The following ANO2 variants were observed in gnomAD, a reference collection of about 807,000 sequenced individuals.
The protein encoded by ANO2 is anoctamin-2.
A neutral mutation model predicts 124.2 loss-of-function variants in ANO2; 101 were observed. That is an observed-to-expected ratio of 0.81 (90% CI 0.69 to 0.96). The LOEUF (loss-of-function observed/expected upper bound fraction) is 0.96. ANO2 is among the 40% of genes least tolerant of loss of function. The pLI, the probability that ANO2 is intolerant of heterozygous loss-of-function variation, is 0.00. For missense variants in ANO2, 1,293 were observed against 1,274.5 expected (o/e 1.01, Z -0.22); for synonymous variants, 486 against 482.5 (o/e 1.01, Z -0.09).
intron 11 of ANO2, among the ~76,000 whole-genome samples, chr12:5,748,798 A>G (rs1591566126): frequency 7.0e-6 from 1 of 143,570 alleles, no homozygotes; most frequent in African/African-American, 2.6e-5. Context: ...AGGACCCAGA[A>G]CTCCCAATCA....
chr12:5,774,686 G>A (rs1478562216), intron 10 of ANO2, among the ~76,000 whole-genome samples: 2 of 152,116 alleles, frequency 1.3e-5, no homozygotes, highest in East Asian at 3.9e-4. Flanking sequence ...GGAGAGCTGC[G>A]TCAGGACCCA....
At chr12:5,785,789 A>G (rs1170758174) in intron 10 of ANO2, among the ~76,000 whole-genome samples, 2 of 152,132 alleles carry the variant, frequency 1.3e-5, no homozygotes, top group East Asian at 3.9e-4. Flanking sequence ...GCCTTCCCAG[A>G]GAGTATCCTG....
intron 1 of ANO2, 91 bp downstream of exon 1, chr12:5,945,105 C>A: frequency 2.5e-6 from 3 of 1,204,090 alleles, no homozygotes; most frequent in Non-Finnish European, 3.2e-6. Context: ...GTCCCCAATC[C>A]CGAAGGGTGG....
chr12:5,739,764 G>A lies in ANO2; in HGVS notation c.1352-365C>T, dbSNP rs371526252. 580 of 414,784 alleles carry A rather than the reference G, an allele frequency of 1.4e-3. 10 individuals carry two copies. Among genetic ancestry groups the A allele is most frequent in the South Asian group, 0.01 (548 of 54,664 alleles). The allele number at this position is 414,784 out of a possible 1,614,324, so 25.7% of individuals were successfully genotyped here. A position where few individuals can be genotyped will look rare whatever the true frequency, so the allele number is the denominator to read the frequency against. ...TTTTGACAAGCCTCATCTTGCCTACGCATACATTCTTTCCTCCTTCACCTT... is the reference window on the plus strand; with the variant it reads ...TTTTGACAAGCCTCATCTTGCCTACACATACATTCTTTCCTCCTTCACCTT... On this transcript the variant is annotated intron_variant, in intron 12 of 24. Coordinates refer to ENST00000682330, the MANE Select transcript of ANO2 (RefSeq NM_001364791.2).
At chr12:5,610,989 T>TTTGCTTTTTTTTTTTTTTTTTTA (rs1944520759) in intron 19 of ANO2, among the ~76,000 whole-genome samples, 1 of 141,582 alleles carries the variant, frequency 7.1e-6, no homozygotes, top group Non-Finnish European at 1.5e-5. Context: ...TTTTTTTTTT[T>TTTGCTTTTTTTTTTTTTTTTTTA]GAGACAGAGT....
rs767989933 is a variant in ANO2, at chr12:5,739,356, C to G, written c.1395G>C (p.Leu465=). 2 of 1,607,808 alleles carry G rather than the reference C, an allele frequency of 1.2e-6. No homozygotes were observed. Among genetic ancestry groups the G allele is most frequent in the East Asian group, 4.5e-5 (2 of 44,748 alleles). ...TGCCAGTCAGGTCCCAAAAGTAGCCCAGTCGCATCTGTAGCCTCTTCCAGT... is the reference window on the plus strand; with the variant it reads ...TGCCAGTCAGGTCCCAAAAGTAGCCGAGTCGCATCTGTAGCCTCTTCCAGT... ...LENWKRLQMR[L]GYFWDLTGIE... Residue 465 remains leucine, a synonymous_variant, in exon 13 of 25, where the codon CTG becomes CTC. Transcript: ENST00000682330.
At chr12:5,802,836 T>A (rs1407599103) in intron 9 of ANO2, among the ~76,000 whole-genome samples, 3 of 152,232 alleles carry the variant, frequency 2.0e-5, no homozygotes, top group Admixed American at 6.5e-5. Context: ...CAGTGCCTGA[T>A]TCCAGAGCCC....
chr12:5,626,449 G>A (rs1008629321), intron 16 of ANO2, among the ~76,000 whole-genome samples: 12 of 152,166 alleles, frequency 7.9e-5, no homozygotes, highest in African/African-American at 1.7e-4. Context: ...CCTGGAGTAC[G>A]GAGGGGCCAC....
At chr12:5,629,688 G>T (rs1444841640) in intron 16 of ANO2, among the ~76,000 whole-genome samples, 1 of 152,076 alleles carries the variant, frequency 6.6e-6, no homozygotes, top group East Asian at 1.9e-4. Context: ...AAGAGACTTT[G>T]TCCCACCCAT....
At chr12:5,717,097 C>T (rs1950051562) in intron 14 of ANO2, among the ~76,000 whole-genome samples, 1 of 152,206 alleles carries the variant, frequency 6.6e-6, no homozygotes, top group African/African-American at 2.4e-5. Flanking sequence ...AGCAAACCAT[C>T]CCACCGCAAA....
At chr12:5,773,372 T>C (rs1478839884) in intron 10 of ANO2, among the ~76,000 whole-genome samples, 1 of 152,238 alleles carries the variant, frequency 6.6e-6, no homozygotes, top group Non-Finnish European at 1.5e-5. Context: ...TCTGTTATAA[T>C]TGTTTCATTT....
chr12:5,733,380 A>G (rs1565621388), intron 13 of ANO2, among the ~76,000 whole-genome samples: 1 of 152,234 alleles, frequency 6.6e-6, no homozygotes, highest in Non-Finnish European at 1.5e-5. Flanking sequence ...AGGAAAATGC[A>G]TAACTCACTT....
intron 19 of ANO2, among the ~76,000 whole-genome samples, chr12:5,605,300 G>C (rs1944164571): frequency 6.6e-6 from 1 of 152,128 alleles, no homozygotes; most frequent in Non-Finnish European, 1.5e-5. Context: ...TCCCTCCCGT[G>C]TTGGCTTTAA....
intron 13 of ANO2, among the ~76,000 whole-genome samples, chr12:5,738,673 C>T (rs773676854): frequency 3.9e-5 from 6 of 152,124 alleles, no homozygotes; most frequent in Admixed American, 6.5e-5. Flanking sequence ...GGAGCAAGCA[C>T]GACACACTGC....
chr12:5,722,505 AAAAAAAT>A (rs1239107519), intron 14 of ANO2, among the ~76,000 whole-genome samples: 3 of 152,156 alleles, frequency 2.0e-5, no homozygotes, highest in African/African-American at 7.2e-5. Flanking sequence ...AGACTCTCTC[AAAAAAAT>A]AAAAAATAAA....
At chr12:5,871,210 C>T (rs937961891) in intron 3 of ANO2, among the ~76,000 whole-genome samples, 3 of 151,774 alleles carry the variant, frequency 2.0e-5, no homozygotes, top group African/African-American at 7.3e-5. Context: ...ATGGAATCTA[C>T]AAAAGTCATC....
rs530783646 is a variant in ANO2, at chr12:5,622,314, C to T, written c.1817-7017G>A. Reference sequence around the variant, plus strand: ...AAATGAGTGATTCCCTTCCTCCATACTGATAAATCATAGGCCTGGCTATTA... The same window carrying T: ...AAATGAGTGATTCCCTTCCTCCATATTGATAAATCATAGGCCTGGCTATTA... On this transcript the variant is annotated intron_variant, in intron 16 of 24. Coordinates refer to ENST00000682330, the MANE Select transcript of ANO2 (RefSeq NM_001364791.2). Among the ~76,000 whole-genome samples, 5 of 152,320 alleles carry T rather than the reference C, an allele frequency of 3.3e-5. No individual in the cohort carries two copies. In the East Asian group the frequency reaches 9.6e-4, roughly 29 times the overall value.
At chr12:5,854,242 C>A in intron 3 of ANO2, 101 bp from the exon 4 acceptor site, 1 of 1,056,784 alleles carries the variant, frequency 9.5e-7, no homozygotes, top group Non-Finnish European at 1.4e-6. Context: ...ACCCGTTGTT[C>A]TTCAGTTTCT....
At chr12:5,928,294 C>G (rs942859034) in intron 1 of ANO2, among the ~76,000 whole-genome samples, 1 of 152,170 alleles carries the variant, frequency 6.6e-6, no homozygotes, top group Admixed American at 6.5e-5. Context: ...ACCTCCATCC[C>G]CAACCTCCCA....
Sources: allele counts gnomAD v4.1 joint callset (sites outside exome capture counted in the v4.1 genomes callset), GRCh38; gene constraint gnomAD v4.1.1; transcripts MANE v1.5; gene names NCBI Gene and HGNC (gene_info 2026-07-23, HGNC 2026-07-21).